The following ICE2 variants were observed in gnomAD, a reference collection of about 807,000 sequenced individuals.
The protein encoded by ICE2 is interactor of little elongation complex ELL subunit 2.
ICE2 carries 87 observed loss-of-function variants against 105.4 expected under a neutral mutation model. The observed-to-expected ratio is 0.83, with a 90% CI of 0.69 to 0.99. The LOEUF (loss-of-function observed/expected upper bound fraction) is 0.99. ICE2 is among the 50% of genes least tolerant of loss of function. The probability of loss-of-function intolerance (pLI) is 0.00; values close to 1 mark genes in which losing one functional copy is unlikely to be tolerated. For missense variants in ICE2, 1,323 were observed against 1,146.7 expected, an observed-to-expected ratio of 1.15 and a Z score of -2.22; for synonymous variants, 399 against 392.0, an observed-to-expected ratio of 1.02 and a Z score of -0.21.
At position 60,456,576 on chromosome 15, in the gene ICE2, T is replaced by TACAC. The variant is rs1465607614; in HGVS notation, c.666+80_666+81insGTGT. 1.4e-3 allele frequency: 187 copies of TACAC among 132,962 alleles called. 8 individuals carry two copies. In the Admixed American group the frequency reaches 0.017, roughly 12 times the overall value. 8.2% of individuals were successfully genotyped at this position (132,962 alleles called of 1,614,324 possible). A position where few individuals can be genotyped will look rare whatever the true frequency, so the allele number is the denominator to read the frequency against. On this transcript the variant is annotated intron_variant, in intron 6 of 15. Transcript: ENST00000261520. Reference sequence around the variant, plus strand: ...ATAAATAAATAAATAAATATATATATATATATATACACACACACACACACA... The same window carrying TACAC: ...ATAAATAAATAAATAAATATATATATACACATATATATACACACACACACACACA...
intron 15 of ICE2, 90 bp from the exon 16 acceptor site, chr15:60,423,852 C>T: frequency 8.6e-7 from 1 of 1,166,656 alleles, no homozygotes; most frequent in African/African-American, 1.6e-5. Flanking sequence ...CATGTATTAA[C>T]CACCTTGCAA....
rs779388466 is a variant in ICE2 at position 60,455,387 on chromosome 15, A to G, written c.722T>C (p.Leu241Pro). The G allele has an allele frequency of 1.2e-6, 2 of 1,614,078 alleles. No homozygotes were observed. Among genetic ancestry groups the G allele is most frequent in the South Asian group, 2.2e-5 (2 of 91,066 alleles). The change falls in exon 7 of 16, where the codon CTG (leucine) becomes CCG (proline). Residue 241 changes from leucine (L) to proline (P), a missense_variant. Transcript: ENST00000261520. The stretch of plus-strand genomic sequence containing the variant: ...AATGGTAGCTATATCGTCCTTTGAC[A>G]GCTGCAACTTTATAGGCATTGAGGG... ...VFPSMPIKLQ[L>P]SKDDIATIET...
At chr15:60,429,015 C>G (rs2063398046) in intron 14 of ICE2, among the ~76,000 whole-genome samples, 1 of 152,144 alleles carries the variant, frequency 6.6e-6, no homozygotes, top group African/African-American at 2.4e-5. Context: ...GGTATCTATA[C>G]TGAAAAGCAT....
intron 12 of ICE2, among the ~76,000 whole-genome samples, chr15:60,436,634 T>G (rs2063594685): frequency 1.4e-5 from 2 of 147,416 alleles, no homozygotes. Context: ...AGAATGGCGT[T>G]AACCCGGGAG....
At chr15:60,457,252 T>C (rs1566996191) in intron 5 of ICE2, among the ~76,000 whole-genome samples, 3 of 152,206 alleles carry the variant, frequency 2.0e-5, no homozygotes, top group African/African-American at 7.2e-5. Flanking sequence ...ATCCAAATGA[T>C]GGAGTACTTA....
intron 1 of ICE2, 79 bp from the exon 2 acceptor site, chr15:60,478,148 C>T (rs2064819537): frequency 3.1e-6 from 2 of 638,760 alleles, no homozygotes; most frequent in South Asian, 1.8e-5. Flanking sequence ...AGAATCTCTC[C>T]CTAAACATCT....
At position 60,423,760 on chromosome 15, in the gene ICE2, A is replaced by C. The variant is rs368188865; in HGVS notation, c.2823T>G (p.Ile941Met). 1.0e-5 allele frequency: 16 copies of C among 1,585,070 alleles called. No individual in the cohort carries two copies. The highest frequency in any genetic ancestry group is 5.5e-5 in the African/African-American group (4 of 73,130). The change falls in exon 16 of 16, where the codon ATT (isoleucine) becomes ATG (methionine). Residue 941 changes from isoleucine to methionine, a missense_variant and splice_region_variant. Physicochemically the swap from Ile to Met is conservative, Grantham distance 10. Transcript: ENST00000261520. Reference protein sequence around the residue: ...KSLDTTTQQKIGGTRMPTRSH... With the variant: ...KSLDTTTQQKMGGTRMPTRSH... ...TGCGTGTAGGCATTCTCGTTCCACCAATCTAAGAGATGAAGCAGAGAACAG... is the reference window on the plus strand; with the variant it reads ...TGCGTGTAGGCATTCTCGTTCCACCCATCTAAGAGATGAAGCAGAGAACAG...
chr15:60,432,314 A>C (rs2063480517), intron 13 of ICE2, among the ~76,000 whole-genome samples: 1 of 151,288 alleles, frequency 6.6e-6, no homozygotes, highest in African/African-American at 2.4e-5. Context: ...CAGCCTCTCA[A>C]ATAGCTGGGA....
chr15:60,432,004 C>CAGTTTA lies in ICE2; in HGVS notation c.2511-21_2511-20insTAAACT. ...GAAATCCTGATAAACAAAAGAAATT[C>CAGTTTA]ATGTAAAATTAAACTGCAAAAAACT... is the stretch of plus-strand genomic sequence containing the variant. On this transcript the variant is annotated intron_variant, in intron 13 of 15. Coordinates refer to ENST00000261520, the MANE Select transcript of ICE2 (RefSeq NM_024611.6). 7.4e-7 allele frequency: 1 copy of CAGTTTA among 1,353,602 alleles called. No individual in the cohort carries two copies. The highest frequency in any genetic ancestry group is 1.0e-6 in the Non-Finnish European group (1 of 962,932). The allele number at this position is 1,353,602 out of a possible 1,614,324, so 83.8% of individuals were successfully genotyped here.
At chr15:60,428,858 C>T (rs4775271) in intron 14 of ICE2, among the ~76,000 whole-genome samples, 171 bp from the exon 15 acceptor site, 98,069 of 152,078 alleles carry the variant, frequency 0.64, 33,475 homozygotes, top group East Asian at 0.93. Context: ...TATTTTTATG[C>T]TTTTTAGGCA....
chr15:60,449,767 G>A lies in ICE2; in HGVS notation c.1200C>T (p.Val400=), dbSNP rs753443871. 1.2e-6 allele frequency: 2 copies of A among 1,614,000 alleles called. No individual in the cohort carries two copies. Among genetic ancestry groups the A allele is most frequent in the South Asian group, 1.1e-5 (1 of 91,068 alleles). The part of the protein sequence containing the change: ...ENLYLDFDDD[V]TELETFGVTT... ...TTACTCCAAAAGTTTCAAGTTCTGT[G>A]ACATCATCATCAAAATCCAAATACA... Residue 400 remains valine, a synonymous_variant, in exon 10 of 16, where the codon GTC becomes GTT. Transcript: ENST00000261520.
Position 60,449,506 on chromosome 15 carries a change from C to T in ICE2, c.1461G>A (p.Gln487=), listed in dbSNP as rs760690476. ...GPEECKNKDD[Q]GFESCEKVSN... ...ATACCTTTTCACATGATTCAAATCC[C>T]TGATCATCTTTATTTTTGCATTCCT... is the stretch of plus-strand genomic sequence containing the variant. The change falls in exon 10 of 16, where the codon CAG becomes CAA. Residue 487 remains glutamine, a synonymous_variant. Coordinates refer to ENST00000261520, the MANE Select transcript of ICE2 (RefSeq NM_024611.6). The T allele has an allele frequency of 1.2e-6, 2 of 1,614,108 alleles. No individual in the cohort carries two copies. Among genetic ancestry groups the T allele is most frequent in the Admixed American group, 3.3e-5 (2 of 60,004 alleles).
At position 60,429,684 on chromosome 15, in the gene ICE2, C is replaced by T. The variant is rs368946031; in HGVS notation, c.2562-997G>A. Among the ~76,000 whole-genome samples the T allele has an allele frequency of 4.6e-5, 7 of 152,162 alleles. 1 individual carries two copies. In the South Asian group the frequency reaches 1.0e-3, roughly 23 times the overall value. ...ATACAGATTTGCCTATAAACCTAAT[C>T]GGTTACATTTTCATCAATTTTTAAA... On this transcript the variant is annotated intron_variant, in intron 14 of 15. Coordinates refer to ENST00000261520, the MANE Select transcript of ICE2 (RefSeq NM_024611.6).
intron 11 of ICE2, among the ~76,000 whole-genome samples, chr15:60,445,295 A>C (rs2063798956): frequency 6.6e-6 from 1 of 152,160 alleles, no homozygotes; most frequent in Non-Finnish European, 1.5e-5. Context: ...ACATTTTCAA[A>C]TTGGTGCCTC....
Position 60,423,549 on chromosome 15 carries a change from C to G in ICE2, c.*85G>C. ...TACTACAGGAAAAATGTTCCTCTTG[C>G]CTACTGATTATTTTCCCTCAAACTT... is the stretch of plus-strand genomic sequence containing the variant. On this transcript the variant is annotated 3_prime_UTR_variant, in exon 16 of 16. Transcript: ENST00000261520. 1 of 1,305,238 alleles carries G rather than the reference C, an allele frequency of 7.7e-7. No individual in the cohort carries two copies. The allele number at this position is 1,305,238 out of a possible 1,614,324, so 80.9% of individuals were successfully genotyped here.
intron 8 of ICE2, among the ~76,000 whole-genome samples, chr15:60,454,101 A>G (rs1485949073): frequency 1.3e-5 from 2 of 152,216 alleles, no homozygotes; most frequent in African/African-American, 2.4e-5. Context: ...TGAAATATTT[A>G]CCACATAGAA....
In ICE2 at chr15:60,442,499, T is replaced by C. The variant is rs2063740000; in HGVS notation, c.2342A>G (p.Tyr781Cys). The stretch of plus-strand genomic sequence containing the variant: ...ACTTTCAGTCAGAGCTTCAACTCCA[T>C]AACAAGCTTGATACTCTACTTTTGG... ...VLPKVEYQAC[Y>C]GVEALTESEL... The change falls in exon 12 of 16, where the codon TAT becomes TGT. Residue 781 changes from tyrosine (Y) to cysteine (C), a missense_variant. Coordinates refer to ENST00000261520, the MANE Select transcript of ICE2 (RefSeq NM_024611.6). 8 of 1,592,710 alleles carry C rather than the reference T, an allele frequency of 5.0e-6. No homozygotes were observed. Among genetic ancestry groups the C allele is most frequent in the Non-Finnish European group, 6.8e-6 (8 of 1,175,048 alleles).
chr15:60,448,992 T>C lies in ICE2; in HGVS notation c.1975A>G (p.Ile659Val), dbSNP rs1470987987. 3.1e-6 allele frequency: 5 copies of C among 1,614,032 alleles called. No homozygotes were observed. The highest frequency in any genetic ancestry group is 1.7e-5 in the Admixed American group (1 of 60,012). Reference protein sequence around the residue: ...LKMQDELLKPISRKVPELPLM... With the variant: ...LKMQDELLKPVSRKVPELPLM... ...GGCAATTCTGGTACTTTTCTGGAAATTGGCTTTAAGAGCTCATCCTGCATT... is the reference window on the plus strand; with the variant it reads ...GGCAATTCTGGTACTTTTCTGGAAACTGGCTTTAAGAGCTCATCCTGCATT... Residue 659 changes from isoleucine to valine, a missense_variant, in exon 10 of 16, where the codon ATT (isoleucine) becomes GTT (valine). Physicochemically the swap from Ile to Val is conservative, Grantham distance 29. Transcript: ENST00000261520.
At chr15:60,440,069 G>C (rs1178740295) in intron 12 of ICE2, 1 of 152,134 alleles carries the variant, frequency 6.6e-6, no homozygotes, top group African/African-American at 2.4e-5. Flanking sequence ...GGGAGACAAA[G>C]AGTCAACACA....
Sources: gnomAD v4.1 joint callset for allele counts (sites outside exome capture counted in the v4.1 genomes callset) on GRCh38, gnomAD v4.1.1 for gene constraint, MANE v1.5 for transcripts, NCBI Gene and HGNC (gene_info 2026-07-23, HGNC 2026-07-21) for gene names.